SP1: variants seen among roughly 807,000 people sequenced by gnomAD.
SP1 encodes the protein transcription factor Sp1.
Under a neutral mutation model 66.3 loss-of-function variants are expected in SP1, and 6 were observed. The ratio of observed to expected loss-of-function variants is 0.09; its 90% CI spans 0.05 to 0.18. The LOEUF is 0.18. SP1 is among the 10% of genes least tolerant of loss of function. The probability of loss-of-function intolerance (pLI) is 1.00; values close to 1 mark genes in which losing one functional copy is unlikely to be tolerated. For synonymous variants in SP1, 417 were observed against 360.8 expected, an observed-to-expected ratio of 1.16 and a Z score of -1.77; for missense variants, 848 against 964.5, an observed-to-expected ratio of 0.88 and a Z score of 1.60.
Position 53,412,405 on chromosome 12 carries a change from G to A in SP1, c.*1165G>A, listed in dbSNP as rs967117409. On this transcript the variant is annotated 3_prime_UTR_variant, in exon 6 of 6. Coordinates refer to ENST00000327443, the MANE Select transcript of SP1 (RefSeq NM_138473.3). ...TTTGGTACTGCTGTCTTCCAAGGTA[G>A]CTCTAAGTTTTGATGTGTGGGCTTC... 10 of 152,598 alleles carry A rather than the reference G, an allele frequency of 6.6e-5. No homozygotes were observed. Among genetic ancestry groups the A allele is most frequent in the African/African-American group, 2.2e-4 (9 of 41,444 alleles). 9.5% of individuals were successfully genotyped at this position (152,598 alleles called of 1,614,324 possible).
intron 4 of SP1, among the ~76,000 whole-genome samples, chr12:53,408,357 C>A (rs1270892763): frequency 6.6e-6 from 1 of 151,060 alleles, no homozygotes; most frequent in Non-Finnish European, 1.5e-5. Context: ...CTGCTTCAGC[C>A]TCCCAAGTAG....
In SP1 at chr12:53,383,434, G is replaced by C. The variant is rs1221975364; in HGVS notation, c.1487G>C (p.Ser496Thr). Residue 496 changes from serine (S) to threonine (T), a missense_variant, in exon 3 of 6, where the codon AGC (serine) becomes ACC (threonine). Ser to Thr is a moderately conservative substitution (Grantham distance 58). Coordinates refer to ENST00000327443, the MANE Select transcript of SP1 (RefSeq NM_138473.3). Reference sequence around the variant, plus strand: ...CAGGGTGTTTCCTTGGGGCAGACCAGCAGCAGCAACACCACTCTCACACCC... The same window carrying C: ...CAGGGTGTTTCCTTGGGGCAGACCACCAGCAGCAACACCACTCTCACACCC... ...PMQGVSLGQT[S>T]SSNTTLTPIA... The C allele has an allele frequency of 6.2e-7, 1 of 1,614,196 alleles. No homozygotes were observed. Among genetic ancestry groups the C allele is most frequent in the Admixed American group, 1.7e-5 (1 of 60,022 alleles).
chr12:53,412,490 C>T lies in SP1; in HGVS notation c.*1250C>T, dbSNP rs944886677. On this transcript the variant is annotated 3_prime_UTR_variant, in exon 6 of 6. Transcript: ENST00000327443. ...TGAACATCCCCACTAGGTTCTTTTC[C>T]ATTGTCAATAAGGAGCATCAGCCAG... The T allele has an allele frequency of 6.6e-6, 1 of 152,586 alleles. No individual in the cohort carries two copies. The highest frequency in any genetic ancestry group is 2.4e-5 in the African/African-American group (1 of 41,432). The allele number at this position is 152,586 out of a possible 1,614,324, so 9.5% of individuals were successfully genotyped here. A position where few individuals can be genotyped will look rare whatever the true frequency, so the allele number is the denominator to read the frequency against.
chr12:53,398,221 C>T (rs1221777738), intron 3 of SP1, among the ~76,000 whole-genome samples: 2 of 152,310 alleles, frequency 1.3e-5, no homozygotes, highest in East Asian at 1.9e-4. Context: ...ACTTTAACCA[C>T]TTTAGATTTG....
rs1008958829 is a variant in SP1, at chr12:53,412,273, CTG to C, written c.*1035_*1036del. 5 of 152,564 alleles carry C rather than the reference CTG, an allele frequency of 3.3e-5. No individual in the cohort carries two copies. The highest frequency in any genetic ancestry group is 1.9e-4 in the East Asian group (1 of 5,202). 9.5% of individuals were successfully genotyped at this position (152,564 alleles called of 1,614,324 possible). On this transcript the variant is annotated 3_prime_UTR_variant, in exon 6 of 6. Coordinates refer to ENST00000327443, the MANE Select transcript of SP1 (RefSeq NM_138473.3). Reference sequence around the variant, plus strand: ...ATAATCTTGGCTCAGTTTGTATAAACTGTCAAATTTTCAAATAATAGGTAGGG... The same window carrying C: ...ATAATCTTGGCTCAGTTTGTATAAACTCAAATTTTCAAATAATAGGTAGGG...
chr12:53,414,644 A>G lies in SP1; in HGVS notation c.*3404A>G, dbSNP rs1206047495. 1 of 152,628 alleles carries G rather than the reference A, an allele frequency of 6.6e-6. No individual in the cohort carries two copies. The highest frequency in any genetic ancestry group is 1.5e-5 in the Non-Finnish European group (1 of 68,046). The allele number at this position is 152,628 out of a possible 1,614,324, so 9.5% of individuals were successfully genotyped here. ...GCATTGTATTTTTTTTAACAAATCT[A>G]AAAAAGCACTATGAACTACAGGTGT... On this transcript the variant is annotated 3_prime_UTR_variant, in exon 6 of 6. Transcript: ENST00000327443.
chr12:53,401,726 A>AT (rs1303917007), intron 3 of SP1, among the ~76,000 whole-genome samples: 2 of 152,044 alleles, frequency 1.3e-5, no homozygotes, highest in African/African-American at 2.4e-5. Context: ...GTTAGCTACA[A>AT]TGTGTGATCT....
At position 53,396,424 on chromosome 12, in the gene SP1, C is replaced by T. The variant is rs141045189; in HGVS notation, c.1676-10161C>T. ...CTCTACTAAAAATACAAAAATTACC[C>T]GGGCATGGTGATGTGCGCCTGTAAT... On this transcript the variant is annotated intron_variant, in intron 3 of 5. Transcript: ENST00000327443. Among the ~76,000 whole-genome samples, 17 of 151,870 alleles carry T rather than the reference C, an allele frequency of 1.1e-4. No individual in the cohort carries two copies. In the East Asian group the frequency reaches 2.9e-3, roughly 26 times the overall value.
rs776247887 is a variant in SP1, at chr12:53,382,679, T to C, written c.732T>C (p.Asn244=). 1.9e-6 allele frequency: 3 copies of C among 1,614,034 alleles called. No individual in the cohort carries two copies. Among genetic ancestry groups the C allele is most frequent in the East Asian group, 4.5e-5 (2 of 44,898 alleles). ...TCCCCCTCCAAGGCCTGGCTAATAATGTACTCTCAGGACAGACTCAGTATG... is the reference window on the plus strand; with the variant it reads ...TCCCCCTCCAAGGCCTGGCTAATAACGTACTCTCAGGACAGACTCAGTATG... ...QAVPLQGLAN[N]VLSGQTQYVT... Residue 244 remains asparagine, a synonymous_variant, in exon 3 of 6, where the codon AAT becomes AAC. Coordinates refer to ENST00000327443, the MANE Select transcript of SP1 (RefSeq NM_138473.3).
chr12:53,401,405 C>T (rs1186411516), intron 3 of SP1, among the ~76,000 whole-genome samples: 1 of 146,874 alleles, frequency 6.8e-6, no homozygotes, highest in African/African-American at 2.5e-5. Flanking sequence ...GAGCCAAGAT[C>T]GCGCCATTGC....
intron 3 of SP1, among the ~76,000 whole-genome samples, chr12:53,393,798 A>G (rs1938408745): frequency 6.6e-6 from 1 of 150,744 alleles, no homozygotes; most frequent in African/African-American, 2.4e-5. Context: ...GGGTTTCATC[A>G]TGTTGGCCAG....
chr12:53,380,475 C>G (rs1169032074), intron 1 of SP1, among the ~76,000 whole-genome samples, 177 bp downstream of exon 1: 1 of 150,880 alleles, frequency 6.6e-6, no homozygotes, highest in East Asian at 1.9e-4. Context: ...GCGGGGCCTC[C>G]GAGGAGGAGG....
intron 4 of SP1, among the ~76,000 whole-genome samples, chr12:53,408,876 A>G (rs1938815667): frequency 6.6e-6 from 1 of 151,032 alleles, no homozygotes. Flanking sequence ...ATTACACTCC[A>G]GCCTGGGCGA....
intron 3 of SP1, among the ~76,000 whole-genome samples, chr12:53,390,607 C>T (rs1206338837): frequency 1.3e-5 from 2 of 152,016 alleles, no homozygotes; most frequent in South Asian, 2.1e-4. Context: ...TGCTTGAACC[C>T]TGGAGGCAGA....
rs752224033 is a variant in SP1 at position 53,412,928 on chromosome 12, CTCTG to C, written c.*1690_*1693del. 1.1e-4 allele frequency: 13 copies of C among 116,900 alleles called. No individual in the cohort carries two copies. Among genetic ancestry groups the C allele is most frequent in the South Asian group, 3.3e-4 (1 of 3,038 alleles). 7.2% of individuals were successfully genotyped at this position (116,900 alleles called of 1,614,324 possible). On this transcript the variant is annotated 3_prime_UTR_variant, in exon 6 of 6. Coordinates refer to ENST00000327443, the MANE Select transcript of SP1 (RefSeq NM_138473.3). The stretch of plus-strand genomic sequence containing the variant: ...ACTGTGAGGAAGTGTGGAAAAATAG[CTCTG>C]TGTGTGTGTGTGTGTGTGTGTGTGT...
Position 53,383,289 on chromosome 12 carries a change from C to T in SP1, c.1342C>T (p.Pro448Ser). Residue 448 changes from proline to serine, a missense_variant, in exon 3 of 6, where the codon CCC becomes TCC. Coordinates refer to ENST00000327443, the MANE Select transcript of SP1 (RefSeq NM_138473.3). ...GCTTCAGGCTGTTCCAAACTCTGGT[C>T]CCATCATCATCCGGACACCAACAGT... Reference protein sequence around the residue: ...LQLQAVPNSGPIIIRTPTVGP... With the variant: ...LQLQAVPNSGSIIIRTPTVGP... The T allele has an allele frequency of 6.2e-7, 1 of 1,614,208 alleles. No individual in the cohort carries two copies. Among genetic ancestry groups the T allele is most frequent in the Non-Finnish European group, 8.5e-7 (1 of 1,180,038 alleles).
intron 3 of SP1, among the ~76,000 whole-genome samples, chr12:53,393,859 A>C (rs1045947625): frequency 2.0e-5 from 3 of 151,424 alleles, no homozygotes; most frequent in African/African-American, 7.3e-5. Flanking sequence ...TGGTCTCCCA[A>C]AGTGCTGGGA....
At chr12:53,405,128 C>T (rs1006244659) in intron 3 of SP1, among the ~76,000 whole-genome samples, 2 of 151,938 alleles carry the variant, frequency 1.3e-5, no homozygotes, top group African/African-American at 4.8e-5. Context: ...GGATTACAGG[C>T]GTGAGCTACC....
At chr12:53,408,296 G>T (rs1414297338) in intron 4 of SP1, among the ~76,000 whole-genome samples, 1 of 142,650 alleles carries the variant, frequency 7.0e-6, no homozygotes, top group East Asian at 2.6e-4. Context: ...GAGTGCAACG[G>T]CACGATCTCG....
Sources: gnomAD v4.1 joint callset for allele counts (sites outside exome capture counted in the v4.1 genomes callset) on GRCh38, gnomAD v4.1.1 for gene constraint, MANE v1.5 for transcripts, NCBI Gene and HGNC (gene_info 2026-07-23, HGNC 2026-07-21) for gene names.